NAALADL2: variants seen among roughly 807,000 people sequenced by gnomAD.
The protein encoded by NAALADL2 is inactive N-acetylated-alpha-linked acidic dipeptidase-like protein 2.
Under a neutral mutation model 87.2 loss-of-function variants are expected in NAALADL2, and 76 were observed. The observed-to-expected ratio is 0.87, with a 90% CI of 0.72 to 1.05. NAALADL2 has a LOEUF of 1.05. NAALADL2 is among the 50% of genes least tolerant of loss of function. NAALADL2 has a pLI of 0.00. For missense variants in NAALADL2, 1,089 were observed against 945.8 expected (o/e 1.15, Z -1.99); for synonymous variants, 354 against 331.0 (o/e 1.07, Z -0.75).
At chr3:175,076,804 G>A (rs968426839) in intron 1 of NAALADL2, among the ~76,000 whole-genome samples, 4 of 152,110 alleles carry the variant, frequency 2.6e-5, no homozygotes, top group Admixed American at 2.6e-4. Flanking sequence ...AATCTATAAA[G>A]CATACACTCT....
intron 13 of NAALADL2, among the ~76,000 whole-genome samples, chr3:175,783,471 G>A (rs1306239841): frequency 6.6e-6 from 1 of 151,512 alleles, no homozygotes; most frequent in Non-Finnish European, 1.5e-5. Context: ...GGAAGCAATT[G>A]TGAATGGGAG....
chr3:174,865,496 C>G (rs1374838415), intron 1 of NAALADL2, among the ~76,000 whole-genome samples: 1 of 151,940 alleles, frequency 6.6e-6, no homozygotes, highest in African/African-American at 2.4e-5. Context: ...CTTTATCTTC[C>G]TCTTTATTTA....
At chr3:174,547,306 A>G (rs537369962) in intron 1 of NAALADL2, among the ~76,000 whole-genome samples, 1 of 152,266 alleles carries the variant, frequency 6.6e-6, no homozygotes, top group East Asian at 1.9e-4. Context: ...TTTAAGGGGA[A>G]TGAAGAGGCA....
intron 1 of NAALADL2, among the ~76,000 whole-genome samples, chr3:175,080,842 A>G (rs540107372): frequency 6.6e-6 from 1 of 152,372 alleles, no homozygotes; most frequent in South Asian, 2.1e-4. Context: ...TAGATTCATA[A>G]AACCACTTAA....
chr3:175,368,042 T>C (rs929904533), intron 5 of NAALADL2, among the ~76,000 whole-genome samples: 1 of 152,180 alleles, frequency 6.6e-6, no homozygotes, highest in African/African-American at 2.4e-5. Flanking sequence ...CAATACCTAA[T>C]TTATTGAGAG....
intron 2 of NAALADL2, among the ~76,000 whole-genome samples, chr3:174,628,773 G>T (rs950717820): frequency 5.3e-5 from 8 of 152,034 alleles, no homozygotes; most frequent in African/African-American, 1.9e-4. Flanking sequence ...GTATCTCTCT[G>T]TTCTCATTCA....
At chr3:175,463,589 T>G in intron 7 of NAALADL2, 96 bp downstream of exon 7, 1 of 641,444 alleles carries the variant, frequency 1.6e-6, no homozygotes, top group South Asian at 3.0e-5. Flanking sequence ...ATATCCTACT[T>G]GAGATATAAC....
intron 9 of NAALADL2, among the ~76,000 whole-genome samples, chr3:175,519,714 A>T (rs1165475654): frequency 1.3e-5 from 2 of 152,188 alleles, no homozygotes; most frequent in African/African-American, 4.8e-5. Flanking sequence ...GAAATAAAAG[A>T]TAAGGTGTAT....
At chr3:175,488,271 G>A (rs1306740114) in intron 9 of NAALADL2, among the ~76,000 whole-genome samples, 1 of 152,164 alleles carries the variant, frequency 6.6e-6, no homozygotes, top group Admixed American at 6.6e-5. Flanking sequence ...GCACGAATTA[G>A]TTTGAAGACC....
chr3:174,794,981 C>CTTTTTTTTTTTTTTTTTTTTT lies in NAALADL2; in HGVS notation c.-9+57242_-9+57262dup, dbSNP rs772447340. Among the ~76,000 whole-genome samples, 15 of 66,706 alleles carry CTTTTTTTTTTTTTTTTTTTTT rather than the reference C, an allele frequency of 2.2e-4. 3 individuals are homozygous for CTTTTTTTTTTTTTTTTTTTTT. Among genetic ancestry groups the CTTTTTTTTTTTTTTTTTTTTT allele is most frequent in the Admixed American group, 4.3e-4 (2 of 4,688 alleles). 43.8% of individuals were successfully genotyped at this position (66,706 alleles called of 152,430 possible). ...TTAAAAGTTGAAACTTCTAGTCCAG[C>CTTTTTTTTTTTTTTTTTTTTT]TTTTTTTTTTTTTTTTTTTTTTTTT... On this transcript the variant is annotated intron_variant, in intron 3 of 3. Transcript: ENST00000434257.
Position 175,107,719 on chromosome 3 carries a change from A to G in NAALADL2, c.545+10428A>G, listed in dbSNP as rs183403138. ...ATTGATATTGAAATTTTTAGAAATTACCAATGTTCATTATTATATTTATTT... is the reference window on the plus strand; with the variant it reads ...ATTGATATTGAAATTTTTAGAAATTGCCAATGTTCATTATTATATTTATTT... On this transcript the variant is annotated intron_variant, in intron 2 of 13. Coordinates refer to ENST00000454872, the MANE Select transcript of NAALADL2 (RefSeq NM_207015.3). Among the ~76,000 whole-genome samples, 541 of 152,046 alleles carry G rather than the reference A, an allele frequency of 3.6e-3. 3 individuals are homozygous for G. Among genetic ancestry groups the G allele is most frequent in the African/African-American group, 0.012 (514 of 41,506 alleles).
chr3:174,842,306 C>T (rs971155256), intron 3 of NAALADL2, among the ~76,000 whole-genome samples: 32 of 152,228 alleles, frequency 2.1e-4, no homozygotes, highest in African/African-American at 7.5e-4. Context: ...TCACCTCGGC[C>T]TCCCAAAGTG....
At chr3:174,952,075 T>C (rs1295518496) in intron 1 of NAALADL2, among the ~76,000 whole-genome samples, 1 of 152,152 alleles carries the variant, frequency 6.6e-6, no homozygotes, top group African/African-American at 2.4e-5. Context: ...CAAACACTTG[T>C]TCTGTAAAAT....
chr3:174,909,796 C>A (rs980772526), intron 1 of NAALADL2, among the ~76,000 whole-genome samples: 3 of 152,100 alleles, frequency 2.0e-5, no homozygotes, highest in African/African-American at 4.8e-5. Flanking sequence ...GTAACAGAAC[C>A]TAGCACATAG....
chr3:175,248,940 G>A (rs528968958), intron 3 of NAALADL2, among the ~76,000 whole-genome samples: 9 of 151,768 alleles, frequency 5.9e-5, no homozygotes, highest in African/African-American at 2.2e-4. Context: ...TAGAGCCATT[G>A]TATCAAACAG....
chr3:175,803,295 C>A lies in NAALADL2; in HGVS notation c.*92C>A. 1.3e-6 allele frequency: 1 copy of A among 794,124 alleles called. No homozygotes were observed. Among genetic ancestry groups the A allele is most frequent in the Non-Finnish European group, 1.9e-6 (1 of 516,060 alleles). The allele number at this position is 794,124 out of a possible 1,614,324, so 49.2% of individuals were successfully genotyped here. A position where few individuals can be genotyped will look rare whatever the true frequency, so the allele number is the denominator to read the frequency against. ...TTTTCTGACATTGAAGGCTTATTTT[C>A]CCCAATGGCTTTTTGACAAGTATAA... On this transcript the variant is annotated 3_prime_UTR_variant, in exon 14 of 14. Coordinates refer to ENST00000454872, the MANE Select transcript of NAALADL2 (RefSeq NM_207015.3).
chr3:175,395,883 C>A (rs1769714921), intron 5 of NAALADL2, among the ~76,000 whole-genome samples: 1 of 152,124 alleles, frequency 6.6e-6, no homozygotes, highest in Admixed American at 6.6e-5. Flanking sequence ...CAATCCTTGA[C>A]CTCTGACTTC....
chr3:174,681,725 T>C (rs966524413), intron 2 of NAALADL2, among the ~76,000 whole-genome samples: 3 of 152,196 alleles, frequency 2.0e-5, no homozygotes, highest in African/African-American at 7.2e-5. Flanking sequence ...TTTCCAGTGT[T>C]GGTGGCTACA....
rs1196084718 is a variant in NAALADL2 at position 175,797,852 on chromosome 3, G to A, written c.2190-5153G>A. Among the ~76,000 whole-genome samples, 3 of 151,954 alleles carry A rather than the reference G, an allele frequency of 2.0e-5. No individual in the cohort carries two copies. In the East Asian group the frequency reaches 5.8e-4, roughly 29 times the overall value. ...ACAAGAAGCATTTGCATATTAAAAT[G>A]GTATAATACTGGTTTTGCTGTCAAG... On this transcript the variant is annotated intron_variant, in intron 13 of 13. Coordinates refer to ENST00000454872, the MANE Select transcript of NAALADL2 (RefSeq NM_207015.3).
Sources: gnomAD v4.1 joint callset for allele counts (sites outside exome capture counted in the v4.1 genomes callset) on GRCh38, gnomAD v4.1.1 for gene constraint, MANE v1.5 for transcripts, NCBI Gene and HGNC (gene_info 2026-07-23, HGNC 2026-07-21) for gene names.